CACNG2: variants seen among roughly 807,000 people sequenced by gnomAD.
CACNG2 encodes calcium voltage-gated channel auxiliary subunit gamma 2, also known as voltage-dependent calcium channel gamma-2 subunit.
In CACNG2, 3 loss-of-function variants were observed where a neutral mutation model predicts 25.9. That is an observed-to-expected ratio of 0.12 (90% confidence interval 0.05 to 0.30). The LOEUF (loss-of-function observed/expected upper bound fraction) is 0.30, where lower values mean the gene tolerates loss of function less well. Among genes scored for constraint, CACNG2 ranks in the 10% least tolerant of loss-of-function variants. The pLI, the probability that CACNG2 is intolerant of heterozygous loss-of-function variation, is 1.00. For synonymous variants in CACNG2, 167 were observed against 173.3 expected (o/e 0.96, Z 0.29); for missense variants, 341 against 432.5 (o/e 0.79, Z 1.88).
chr22:36,691,502 T>C (rs1937267845), intron 1 of CACNG2, among the ~76,000 whole-genome samples: 2 of 152,198 alleles, frequency 1.3e-5, no homozygotes. Flanking sequence ...ACAAACAGCA[T>C]TTCTGTTCAG....
chr22:36,566,554 A>G (rs1935130664), intron 2 of CACNG2, 61 bp from the exon 3 acceptor site: 1 of 1,592,650 alleles, frequency 6.3e-7, no homozygotes, highest in Admixed American at 1.7e-5. Context: ...TGAGGCACAC[A>G]GAGGCAGGTG....
intron 1 of CACNG2, among the ~76,000 whole-genome samples, chr22:36,640,508 C>A (rs1445834535): frequency 6.6e-6 from 1 of 152,218 alleles, no homozygotes; most frequent in Non-Finnish European, 1.5e-5. Flanking sequence ...GGACAGCCTG[C>A]AGGGCTCACG....
Position 36,606,402 on chromosome 22 carries a change from A to G in CACNG2, c.212-18854T>C, listed in dbSNP as rs1935833598. ...TAGAGATATGGAAGTGGAGGGACAG[A>G]GGGGTGAAGGAACGCCTCTAAAGAT... On this transcript the variant is annotated intron_variant, in intron 1 of 3. Transcript: ENST00000300105. This position sits in a 1 kb window ranked among gnomAD's most constrained non-coding sequence, Gnocchi z 5.7. Among the ~76,000 whole-genome samples, 1 of 152,194 alleles carries G rather than the reference A, an allele frequency of 6.6e-6. No homozygotes were observed. Among genetic ancestry groups the G allele is most frequent in the Non-Finnish European group, 1.5e-5 (1 of 68,034 alleles).
chr22:36,609,241 C>G (rs1016373613), intron 1 of CACNG2, among the ~76,000 whole-genome samples: 1 of 148,524 alleles, frequency 6.7e-6, no homozygotes, highest in Non-Finnish European at 1.5e-5. Context: ...CAGGAATCAG[C>G]CCCCCAGAGT....
intron 1 of CACNG2, among the ~76,000 whole-genome samples, chr22:36,645,353 C>T (rs1936502983): frequency 6.6e-6 from 1 of 151,748 alleles, no homozygotes; most frequent in Admixed American, 6.6e-5. Context: ...CTGACTAACA[C>T]AGTGAAACCC....
chr22:36,663,683 G>C (rs962826178), intron 1 of CACNG2, among the ~76,000 whole-genome samples: 2 of 152,140 alleles, frequency 1.3e-5, no homozygotes, highest in Non-Finnish European at 2.9e-5. Flanking sequence ...TGCAGCGCTC[G>C]CAGAGTCCTC....
At chr22:36,655,993 A>G (rs562002427) in intron 1 of CACNG2, among the ~76,000 whole-genome samples, 4 of 151,858 alleles carry the variant, frequency 2.6e-5, no homozygotes, top group Non-Finnish European at 5.9e-5. Flanking sequence ...TTTTTAGTAG[A>G]GACAGGGTTT....
chr22:36,673,636 C>T (rs939373025), intron 1 of CACNG2, among the ~76,000 whole-genome samples: 8 of 151,712 alleles, frequency 5.3e-5, no homozygotes, highest in African/African-American at 1.7e-4. Flanking sequence ...AGGGAACGAG[C>T]GATGGGAGGC....
chr22:36,685,401 C>G (rs1022250825), intron 1 of CACNG2, among the ~76,000 whole-genome samples: 1 of 152,140 alleles, frequency 6.6e-6, no homozygotes, highest in Non-Finnish European at 1.5e-5. Flanking sequence ...TTCTGCCCCC[C>G]GTCATCCTTA....
At chr22:36,637,283 C>T (rs1031980433) in intron 1 of CACNG2, among the ~76,000 whole-genome samples, 4 of 152,038 alleles carry the variant, frequency 2.6e-5, no homozygotes, top group African/African-American at 9.7e-5. Context: ...ATGGGAGAGG[C>T]TTTGTGCCTG....
chr22:36,669,181 A>G (rs1936914577), intron 1 of CACNG2, among the ~76,000 whole-genome samples: 1 of 151,964 alleles, frequency 6.6e-6, no homozygotes. Context: ...CCTTGAAGGC[A>G]TGTCTTGTGT....
chr22:36,563,132 A>G lies in CACNG2; in HGVS notation c.*1219T>C, dbSNP rs1935057002. 6.6e-6 allele frequency among the ~76,000 whole-genome samples: 1 copy of G among 152,188 alleles called. No homozygotes were observed. The highest frequency in any genetic ancestry group is 2.4e-5 in the African/African-American group (1 of 41,448). ...AGTCTGTGGTTTTTTTATTAAAAAA[A>G]AATCACCACTTGTTTTTCCTTTTTC... On this transcript the variant is annotated 3_prime_UTR_variant, in exon 4 of 4. Transcript: ENST00000300105.
chr22:36,590,585 C>T (rs770130175), intron 1 of CACNG2, among the ~76,000 whole-genome samples: 5 of 152,096 alleles, frequency 3.3e-5, no homozygotes, highest in African/African-American at 4.8e-5. Flanking sequence ...GAGACAGCAC[C>T]GCCCACTACC....
At chr22:36,604,396 T>C (rs149275839) in intron 1 of CACNG2, among the ~76,000 whole-genome samples, 1 of 152,338 alleles carries the variant, frequency 6.6e-6, no homozygotes, top group African/African-American at 2.4e-5. Flanking sequence ...ATAAAGTTAG[T>C]TGATAAAGCA....
chr22:36,651,257 C>G (rs1021902347), intron 1 of CACNG2, among the ~76,000 whole-genome samples: 1 of 95,598 alleles, frequency 1.0e-5, no homozygotes, highest in Admixed American at 1.7e-4. Context: ...TTGACAGAGT[C>G]TTGCTCTGTT....
At chr22:36,632,313 G>T in intron 1 of CACNG2, among the ~76,000 whole-genome samples, 1 of 152,084 alleles carries the variant, frequency 6.6e-6, no homozygotes. Context: ...GCTTTCACAC[G>T]TAGGAGCTGC....
At chr22:36,577,811 G>A (rs1935349808) in intron 2 of CACNG2, among the ~76,000 whole-genome samples, 1 of 152,116 alleles carries the variant, frequency 6.6e-6, no homozygotes, top group Non-Finnish European at 1.5e-5. Context: ...ACCATGGGGT[G>A]GGGTCACAAT....
In CACNG2 at chr22:36,564,290, C is replaced by G; in HGVS notation, c.*61G>C. On this transcript the variant is annotated 3_prime_UTR_variant, in exon 4 of 4. Coordinates refer to ENST00000300105, the MANE Select transcript of CACNG2 (RefSeq NM_006078.5). This position sits in a 1 kb window ranked among gnomAD's most constrained non-coding sequence, Gnocchi z 6.7. ...CAGCGGAGGGTCTGGGTCTCCCCGC[C>G]CCGCCCCGCCCCCGGGGACCGCGCC... 1 of 1,511,158 alleles carries G rather than the reference C, an allele frequency of 6.6e-7. No homozygotes were observed. The highest frequency in any genetic ancestry group is 9.0e-7 in the Non-Finnish European group (1 of 1,112,284). 93.6% of individuals were successfully genotyped at this position (1,511,158 alleles called of 1,614,324 possible). A position where few individuals can be genotyped will look rare whatever the true frequency, so the allele number is the denominator to read the frequency against.
chr22:36,610,487 G>A (rs1445678645), intron 1 of CACNG2, among the ~76,000 whole-genome samples: 1 of 152,250 alleles, frequency 6.6e-6, no homozygotes, highest in African/African-American at 2.4e-5. Context: ...GCAAGAGTTA[G>A]TCTTTAATGA....
Sources: allele counts gnomAD v4.1 joint callset (sites outside exome capture counted in the v4.1 genomes callset), GRCh38; gene constraint gnomAD v4.1.1; non-coding constraint Gnocchi (gnomAD v3.1); transcripts MANE v1.5; gene names NCBI Gene and HGNC (gene_info 2026-07-23, HGNC 2026-07-21).